Variants in AMY2B observed in about 807,000 individuals in gnomAD.
The protein encoded by AMY2B is amylase alpha 2B.
In AMY2B, 63 loss-of-function variants were observed where a neutral mutation model predicts 59.3. The observed-to-expected ratio is 1.06, with a 90% CI of 0.87 to 1.31. The LOEUF is 1.31. Among genes scored for constraint, AMY2B ranks in the 50% most tolerant of loss-of-function variants. The pLI is 0.00. For synonymous variants in AMY2B, 180 were observed against 198.1 expected (o/e 0.91, Z 0.77); for missense variants, 635 against 626.7 (o/e 1.01, Z -0.14).
intron 7 of AMY2B, chr1:103,575,788 AAC>A: frequency 2.5e-5 from 12 of 477,878 alleles, no homozygotes; most frequent in Non-Finnish European, 3.4e-5. Context: ...AAAAAAAAAA[AAC>A]CACTTAAAAA....
intron 7 of AMY2B, 129 bp from the exon 8 acceptor site, chr1:103,577,361 G>T: frequency 6.6e-7 from 1 of 1,518,068 alleles, no homozygotes; most frequent in Non-Finnish European, 9.0e-7. Context: ...ATTATTGAAG[G>T]CATTGGATTC....
intron 1 of AMY2B, among the ~76,000 whole-genome samples, chr1:103,560,693 G>T (rs1254764077): frequency 6.6e-6 from 1 of 151,960 alleles, no homozygotes; most frequent in African/African-American, 2.4e-5. Flanking sequence ...ATTCCAGTTT[G>T]CAGTTGTTTT....
At chr1:103,559,160 T>C (rs1651656142) in intron 1 of AMY2B, among the ~76,000 whole-genome samples, 1 of 152,180 alleles carries the variant, frequency 6.6e-6, no homozygotes, top group Admixed American at 6.5e-5. Context: ...ACTTAAAACC[T>C]TTTGCATGGT....
chr1:103,575,553 A>G lies in AMY2B; in HGVS notation c.1101+13A>G. On this transcript the variant is annotated intron_variant, in intron 7 of 9. Transcript: ENST00000684275. Reference sequence around the variant, plus strand: ...TCAAAATGGAAACGTAAGTTTTGAAATTGTTCAAACTATCCTTTTCTCAAG... The same window carrying G: ...TCAAAATGGAAACGTAAGTTTTGAAGTTGTTCAAACTATCCTTTTCTCAAG... The G allele has an allele frequency of 6.2e-7, 1 of 1,613,272 alleles. No individual in the cohort carries two copies.
At chr1:103,563,194 G>T (rs951962388) in intron 1 of AMY2B, among the ~76,000 whole-genome samples, 8 of 152,024 alleles carry the variant, frequency 5.3e-5, no homozygotes, top group African/African-American at 1.9e-4. Flanking sequence ...TTTGTCGTCA[G>T]GATATTATCA....
At chr1:103,571,074 C>A (rs1652111679), upstream of AMY2B, 1 of 694,112 alleles carries the variant, frequency 1.4e-6, no homozygotes, top group Non-Finnish European at 1.9e-6. Flanking sequence ...CTGGTAAGGG[C>A]TCCTTAACCA....
At chr1:103,575,879 C>T (rs1351185416) in intron 7 of AMY2B, 1 of 205,360 alleles carries the variant, frequency 4.9e-6, no homozygotes, top group Non-Finnish European at 9.8e-6. Flanking sequence ...TTATACATGC[C>T]AACACTTTTA....
intron 1 of AMY2B, among the ~76,000 whole-genome samples, chr1:103,563,597 T>A (rs1293341129): frequency 6.6e-6 from 1 of 152,134 alleles, no homozygotes; most frequent in Non-Finnish European, 1.5e-5. Flanking sequence ...TGAGAAAATA[T>A]ATGATAATGC....
At chr1:103,578,840 T>C (rs1299411435) in intron 9 of AMY2B, among the ~76,000 whole-genome samples, 2 of 136,964 alleles carry the variant, frequency 1.5e-5, no homozygotes, top group Non-Finnish European at 3.1e-5. Flanking sequence ...TTTTAAATTA[T>C]ACTTTAAATT....
intron 7 of AMY2B, among the ~76,000 whole-genome samples, chr1:103,576,532 G>A (rs1652360746): frequency 6.6e-6 from 1 of 151,966 alleles, no homozygotes. Context: ...TTCACCATAT[G>A]ACATAATTCT....
chr1:103,576,846 A>T (rs1295538996), intron 7 of AMY2B, among the ~76,000 whole-genome samples: 1 of 152,232 alleles, frequency 6.6e-6, no homozygotes, highest in East Asian at 1.9e-4. Flanking sequence ...AAATTTTCTT[A>T]GCTACTGTTA....
At chr1:103,563,959 G>T (rs754727161) in intron 1 of AMY2B, among the ~76,000 whole-genome samples, 19 of 152,124 alleles carry the variant, frequency 1.2e-4, no homozygotes, top group Non-Finnish European at 2.6e-4. Context: ...GAAAGTATTA[G>T]AAGTTAAGAA....
chr1:103,560,374 G>A (rs1360546876), intron 1 of AMY2B, among the ~76,000 whole-genome samples: 1 of 152,020 alleles, frequency 6.6e-6, no homozygotes, highest in Non-Finnish European at 1.5e-5. Context: ...TTAGATCTTT[G>A]TCCAATACTA....
rs1380573248 is a variant in AMY2B at position 103,572,354 on chromosome 1, A to AT, written c.315+105dup. ...TTCAGCAGAAAGTTTTCCATATTTT[A>AT]TTTTTTTAATTTTACTTCATACTTT... is the stretch of plus-strand genomic sequence containing the variant. On this transcript the variant is annotated intron_variant, in intron 2 of 9. Coordinates refer to ENST00000684275, the MANE Select transcript of AMY2B (RefSeq NM_001387437.1). The AT allele has an allele frequency of 7.5e-5, 113 of 1,515,054 alleles. No individual in the cohort carries two copies. In the East Asian group the frequency reaches 1.7e-3, roughly 23 times the overall value. 93.9% of individuals were successfully genotyped at this position (1,515,054 alleles called of 1,614,324 possible). A position where few individuals can be genotyped will look rare whatever the true frequency, so the allele number is the denominator to read the frequency against.
chr1:103,575,358 G>A lies in AMY2B; in HGVS notation c.1001+13G>A. 6.2e-7 allele frequency: 1 copy of A among 1,612,916 alleles called. No individual in the cohort carries two copies. Among genetic ancestry groups the A allele is most frequent in the South Asian group, 1.1e-5 (1 of 90,958 alleles). On this transcript the variant is annotated intron_variant, in intron 6 of 9. Transcript: ENST00000684275. ...TCTGGGATGCTAGGTAGAAAACCAAGTTCTCTATTTTTTTTAACACATCTT... is the reference window on the plus strand; with the variant it reads ...TCTGGGATGCTAGGTAGAAAACCAAATTCTCTATTTTTTTTAACACATCTT...
intron 1 of AMY2B, among the ~76,000 whole-genome samples, chr1:103,562,715 TA>T (rs1018497329): frequency 3.4e-4 from 52 of 151,268 alleles, no homozygotes; most frequent in Non-Finnish European, 6.4e-4. Flanking sequence ...ATTTGCATGT[TA>T]AAAAACTATA....
intron 7 of AMY2B, among the ~76,000 whole-genome samples, chr1:103,577,100 C>T (rs550406489): frequency 7.2e-5 from 11 of 152,106 alleles, no homozygotes; most frequent in African/African-American, 1.2e-4. Context: ...TAGCTGGTTG[C>T]GGTGGTGCAC....
intron 9 of AMY2B, among the ~76,000 whole-genome samples, chr1:103,578,731 T>A (rs1323771743): frequency 1.3e-5 from 2 of 152,130 alleles, no homozygotes; most frequent in Non-Finnish European, 2.9e-5. Context: ...TATCACTTCT[T>A]CATAGAAATG....
upstream of AMY2B, chr1:103,570,201 C>A: frequency 2.0e-6 from 1 of 498,324 alleles, no homozygotes; most frequent in Non-Finnish European, 4.0e-6. Flanking sequence ...AGAAACTGTG[C>A]TATGTTGCCC....
Sources: gnomAD v4.1 joint callset for allele counts (sites outside exome capture counted in the v4.1 genomes callset) on GRCh38, gnomAD v4.1.1 for gene constraint, MANE v1.5 for transcripts, NCBI Gene and HGNC (gene_info 2026-07-23, HGNC 2026-07-21) for gene names.